Variants in NRXN3 observed in about 807,000 individuals in gnomAD.
NRXN3 encodes the protein neurexin 3.
A neutral mutation model predicts 137.6 loss-of-function variants in NRXN3; 32 were observed. The ratio of observed to expected loss-of-function variants is 0.23; its 90% CI spans 0.18 to 0.31. NRXN3 has a LOEUF of 0.31. Among genes scored for constraint, NRXN3 ranks in the 10% least tolerant of loss-of-function variants. The probability of loss-of-function intolerance (pLI) is 1.00; values close to 1 mark genes in which losing one functional copy is unlikely to be tolerated. For synonymous variants in NRXN3, 798 were observed against 784.5 expected, an observed-to-expected ratio of 1.02 and a Z score of -0.29; for missense variants, 1,574 against 2,062.5, an observed-to-expected ratio of 0.76 and a Z score of 4.59.
chr14:78,204,129 T>C (rs1207129473), intron 1 of NRXN3, among the ~76,000 whole-genome samples: 2 of 152,224 alleles, frequency 1.3e-5, no homozygotes, highest in Admixed American at 1.3e-4. Flanking sequence ...AATAATATTG[T>C]TCCTCCCGCT....
intron 8 of NRXN3, among the ~76,000 whole-genome samples, chr14:78,790,825 G>A (rs916483567): frequency 2.0e-5 from 3 of 152,160 alleles, no homozygotes; most frequent in Non-Finnish European, 2.9e-5. Context: ...AGGAATGAAC[G>A]TCAGCTTGAT....
At chr14:78,352,436 C>T (rs553228167) in intron 4 of NRXN3, among the ~76,000 whole-genome samples, 1 of 152,252 alleles carries the variant, frequency 6.6e-6, no homozygotes, top group Admixed American at 6.5e-5. Context: ...TTACCCTGCC[C>T]CCATGCCCAT....
chr14:78,707,179 A>G (rs979474186), intron 6 of NRXN3, among the ~76,000 whole-genome samples: 11 of 152,154 alleles, frequency 7.2e-5, no homozygotes, highest in African/African-American at 2.7e-4. Context: ...GTTTATTCCT[A>G]TGTTCCCAAT....
chr14:78,267,663 TA>T (rs34095466), intron 2 of NRXN3, among the ~76,000 whole-genome samples: 119,845 of 152,036 alleles, frequency 0.79, 47,673 homozygotes, highest in African/African-American at 0.9. Flanking sequence ...CACTGTCTCT[TA>T]AAAAAAATAA....
chr14:78,350,737 G>A (rs1180336869), intron 4 of NRXN3, among the ~76,000 whole-genome samples: 1 of 152,138 alleles, frequency 6.6e-6, no homozygotes, highest in Admixed American at 6.5e-5. Flanking sequence ...TGACCTGTAT[G>A]AGAAGGGATG....
At chr14:78,673,768 A>C (rs2097963997) in intron 6 of NRXN3, among the ~76,000 whole-genome samples, 1 of 152,086 alleles carries the variant, frequency 6.6e-6, no homozygotes, top group African/African-American at 2.4e-5. Flanking sequence ...CTCATGATCT[A>C]ATTAGAACCA....
intron 15 of NRXN3, among the ~76,000 whole-genome samples, chr14:79,359,965 C>T (rs2093626668): frequency 6.6e-6 from 1 of 152,100 alleles, no homozygotes; most frequent in Non-Finnish European, 1.5e-5. Context: ...ATTGTCTTTG[C>T]TACCTAAAAC....
chr14:78,218,615 A>G (rs1283304106), intron 1 of NRXN3, among the ~76,000 whole-genome samples: 1 of 152,238 alleles, frequency 6.6e-6, no homozygotes. Flanking sequence ...GTCCTCAATC[A>G]GTTGCTAAGA....
chr14:79,308,844 C>CT (rs34580008), intron 15 of NRXN3, among the ~76,000 whole-genome samples: 30,704 of 89,526 alleles, frequency 0.34, 4,490 homozygotes, highest in East Asian at 0.51. Flanking sequence ...GGGAAGCATT[C>CT]TTTTTTTTTT....
At chr14:79,795,385 T>C (rs1032186879) in intron 19 of NRXN3, among the ~76,000 whole-genome samples, 1 of 152,182 alleles carries the variant, frequency 6.6e-6, no homozygotes, top group Non-Finnish European at 1.5e-5. Flanking sequence ...TAGAGATTTT[T>C]TATATAAATC....
rs1031239731 is a variant in NRXN3, at chr14:78,663,284, C to T, written c.1221+11958C>T. Reference sequence around the variant, plus strand: ...ACTGTAAGGAATTGTCTCTCACTACCGCTTAGAGTCTCTACTTCATAGGAA... The same window carrying T: ...ACTGTAAGGAATTGTCTCTCACTACTGCTTAGAGTCTCTACTTCATAGGAA... On this transcript the variant is annotated intron_variant, in intron 6 of 20. Transcript: ENST00000335750. 5.9e-5 allele frequency among the ~76,000 whole-genome samples: 9 copies of T among 152,124 alleles called. No homozygotes were observed. In the East Asian group the frequency reaches 9.6e-4, roughly 16 times the overall value.
chr14:78,792,278 A>AAAAAAAAAAAAAAG (rs2098807994), intron 8 of NRXN3, among the ~76,000 whole-genome samples: 1 of 149,738 alleles, frequency 6.7e-6, no homozygotes, highest in African/African-American at 2.4e-5. Flanking sequence ...AAAAAAAAAA[A>AAAAAAAAAAAAAAG]AAAAAGGAAA....
At chr14:79,772,899 A>G (rs955085952) in intron 19 of NRXN3, among the ~76,000 whole-genome samples, 3 of 152,246 alleles carry the variant, frequency 2.0e-5, no homozygotes, top group African/African-American at 7.2e-5. Flanking sequence ...GCTAATATCC[A>G]GAATCTACAA....
chr14:78,947,257 A>T (rs570290471), intron 10 of NRXN3, among the ~76,000 whole-genome samples: 11 of 152,216 alleles, frequency 7.2e-5, no homozygotes, highest in Non-Finnish European at 1.3e-4. Flanking sequence ...TGTAATTACC[A>T]TGCCAAAGAG....
At chr14:78,386,974 G>A (rs933594103) in intron 4 of NRXN3, among the ~76,000 whole-genome samples, 24 of 151,966 alleles carry the variant, frequency 1.6e-4, no homozygotes, top group African/African-American at 5.5e-4. Context: ...TAGAGACGGG[G>A]TTTCACCATG....
chr14:79,858,338 C>T (rs766306977), intron 20 of NRXN3, among the ~76,000 whole-genome samples: 7 of 151,954 alleles, frequency 4.6e-5, no homozygotes, highest in Middle Eastern at 3.2e-3. Flanking sequence ...TTTAAGACTC[C>T]GGTTGGGTGT....
At chr14:78,431,053 GAATT>G (rs932795744) in intron 4 of NRXN3, among the ~76,000 whole-genome samples, 1 of 152,100 alleles carries the variant, frequency 6.6e-6, no homozygotes, top group Admixed American at 6.5e-5. Flanking sequence ...TATACTGAAT[GAATT>G]GTTATTTTAA....
At chr14:78,995,256 AT>A (rs2099527565) in intron 15 of NRXN3, among the ~76,000 whole-genome samples, 1 of 152,208 alleles carries the variant, frequency 6.6e-6, no homozygotes, top group South Asian at 2.1e-4. Flanking sequence ...AGATGAGGCC[AT>A]TTAGAATTAA....
intron 15 of NRXN3, among the ~76,000 whole-genome samples, chr14:79,023,108 C>CTT (rs33929389): frequency 0.33 from 46,695 of 139,746 alleles, 8,218 homozygotes; most frequent in Admixed American, 0.46. Context: ...AGCCCTTTGC[C>CTT]TTTTTTTTTT....
Sources: gnomAD v4.1 joint callset for allele counts (sites outside exome capture counted in the v4.1 genomes callset) on GRCh38, gnomAD v4.1.1 for gene constraint, MANE v1.5 for transcripts, NCBI Gene and HGNC (gene_info 2026-07-23, HGNC 2026-07-21) for gene names.